The following RIGI variants were observed in gnomAD, a reference collection of about 807,000 sequenced individuals.
RIGI encodes antiviral innate immune response receptor RIG-I.
the RIGI span, among the ~76,000 whole-genome samples, chr9:32,517,725 C>T: frequency 2.0e-5 from 3 of 152,110 alleles, no homozygotes; most frequent in South Asian, 2.1e-4. Context: ...TTAATGAAAA[C>T]AGCTGAATCT....
At chr9:32,477,142 G>T in the RIGI span, 6 of 1,611,420 alleles carry the variant, frequency 3.7e-6, no homozygotes, top group Middle Eastern at 1.6e-4. Context: ...CTGCAAATGG[G>T]AAACATTTTA....
At chr9:32,496,324 CT>C in the RIGI span, among the ~76,000 whole-genome samples, 5 of 152,198 alleles carry the variant, frequency 3.3e-5, no homozygotes, top group Admixed American at 2.6e-4. Context: ...GCCCAGATAG[CT>C]GGTAAAACAT....
At chr9:32,512,088 C>A in the RIGI span, among the ~76,000 whole-genome samples, 1 of 152,022 alleles carries the variant, frequency 6.6e-6, no homozygotes, top group Non-Finnish European at 1.5e-5. Context: ...GGCCTACCAA[C>A]CAAAAAAAGC....
At chr9:32,492,404 C>A in the RIGI span, 12 of 1,614,018 alleles carry the variant, frequency 7.4e-6, no homozygotes, top group African/African-American at 1.3e-5. Context: ...TCTCTACAAT[C>A]CACAGTTCAC....
chr9:32,469,118 G>C, the RIGI span, among the ~76,000 whole-genome samples: 1 of 152,220 alleles, frequency 6.6e-6, no homozygotes, highest in East Asian at 1.9e-4. Flanking sequence ...GAAGGAGCCT[G>C]GGTCCCTACA....
chr9:32,508,924 T>A, the RIGI span, among the ~76,000 whole-genome samples: 1 of 152,140 alleles, frequency 6.6e-6, no homozygotes, highest in Non-Finnish European at 1.5e-5. Context: ...GGGAGGGGCA[T>A]CCACAATTAC....
the RIGI span, among the ~76,000 whole-genome samples, chr9:32,517,535 AT>A: frequency 6.6e-6 from 1 of 152,236 alleles, no homozygotes; most frequent in African/African-American, 2.4e-5. Context: ...TGTCTTTAAA[AT>A]TATTGGTAAA....
the RIGI span, among the ~76,000 whole-genome samples, chr9:32,483,962 T>C: frequency 6.6e-6 from 1 of 152,160 alleles, no homozygotes; most frequent in Non-Finnish European, 1.5e-5. Flanking sequence ...AGAAATGCCC[T>C]GAGGCCAGGG....
At chr9:32,468,156 A>G in the RIGI span, among the ~76,000 whole-genome samples, 2 of 152,250 alleles carry the variant, frequency 1.3e-5, no homozygotes, top group Non-Finnish European at 2.9e-5. Context: ...CACAAGACTG[A>G]GTTCAAATCC....
At chr9:32,462,280 C>T in the RIGI span, among the ~76,000 whole-genome samples, 6 of 151,720 alleles carry the variant, frequency 4.0e-5, no homozygotes, top group African/African-American at 9.7e-5. Flanking sequence ...ATTGTCACTG[C>T]GAATGGAAAT....
the RIGI span, chr9:32,491,513 T>A: frequency 1.0e-6 from 1 of 978,250 alleles, no homozygotes; most frequent in South Asian, 1.8e-5. Flanking sequence ...ACACTAAGAT[T>A]TTTAACTTCT....
At chr9:32,484,557 C>T in the RIGI span, among the ~76,000 whole-genome samples, 279 of 152,262 alleles carry the variant, frequency 1.8e-3, 1 homozygote, top group Middle Eastern at 3.4e-3. Flanking sequence ...CTCATCCCCA[C>T]CCAAATCCGT....
chr9:32,503,859 T>C, the RIGI span, among the ~76,000 whole-genome samples: 2 of 152,034 alleles, frequency 1.3e-5, no homozygotes, highest in Non-Finnish European at 2.9e-5. Context: ...CTGGCCAACA[T>C]GGTGAAACCC....
chr9:32,513,363 C>T, the RIGI span, among the ~76,000 whole-genome samples: 2 of 152,064 alleles, frequency 1.3e-5, no homozygotes, highest in Non-Finnish European at 2.9e-5. Flanking sequence ...GGTACTGCTA[C>T]CAAAACAGAT....
chr9:32,493,861 T>C, the RIGI span: 1 of 1,611,358 alleles, frequency 6.2e-7, no homozygotes, highest in Non-Finnish European at 8.5e-7. Context: ...TTGTAAACGT[T>C]TTAAAAGTAA....
At chr9:32,522,516 A>T in the RIGI span, among the ~76,000 whole-genome samples, 1 of 152,200 alleles carries the variant, frequency 6.6e-6, no homozygotes. Context: ...GCCAATTAGG[A>T]GAGCCCATAT....
chr9:32,495,913 T>G, the RIGI span, among the ~76,000 whole-genome samples: 1 of 152,202 alleles, frequency 6.6e-6, no homozygotes, highest in African/African-American at 2.4e-5. Flanking sequence ...TGCCTCAGCC[T>G]CCCAAAGTGC....
At chr9:32,517,086 A>G in the RIGI span, among the ~76,000 whole-genome samples, 2 of 152,180 alleles carry the variant, frequency 1.3e-5, no homozygotes, top group African/African-American at 4.8e-5. Flanking sequence ...AGTCCCATGT[A>G]TTCTGGCTTT....
At chr9:32,513,995 T>G in the RIGI span, among the ~76,000 whole-genome samples, 3 of 152,154 alleles carry the variant, frequency 2.0e-5, no homozygotes, top group Non-Finnish European at 2.9e-5. Context: ...CACTGGTCAT[T>G]ACAGAAATGC....
Sources: allele counts gnomAD v4.1 joint callset (sites outside exome capture counted in the v4.1 genomes callset), GRCh38; gene constraint gnomAD v4.1.1; transcripts MANE v1.5; gene names NCBI Gene and HGNC (gene_info 2026-07-23, HGNC 2026-07-21).